The following APBB2 variants were observed in gnomAD, a reference collection of about 807,000 sequenced individuals.
The protein encoded by APBB2 is amyloid beta precursor protein binding family B member 2, also known as Fe65-like 1.
Under a neutral mutation model 82.5 loss-of-function variants are expected in APBB2, and 38 were observed. The observed-to-expected ratio is 0.46, with a 90% confidence interval of 0.36 to 0.60. APBB2 has a LOEUF of 0.60. Ranked by LOEUF, APBB2 falls within the 20% of genes least tolerant of loss-of-function variation. The pLI, the probability that APBB2 is intolerant of heterozygous loss-of-function variation, is 0.00. For missense variants in APBB2, 772 were observed against 972.3 expected (o/e 0.79, Z 2.74); for synonymous variants, 341 against 368.2 (o/e 0.93, Z 0.85).
intron 10 of APBB2, among the ~76,000 whole-genome samples, chr4:40,930,464 CGCGTGCGCGTGCGCGTAT>C (rs1783917962): frequency 7.5e-6 from 1 of 133,018 alleles, no homozygotes; most frequent in African/African-American, 3.5e-5. Context: ...CGCGCGCGCG[CGCGTGCGCGTGCGCGTAT>C]GCGTGTGTAT....
intron 4 of APBB2, among the ~76,000 whole-genome samples, chr4:41,053,746 A>G (rs1186824882): frequency 6.6e-6 from 1 of 152,254 alleles, no homozygotes; most frequent in Non-Finnish European, 1.5e-5. Flanking sequence ...TCTCCACGGT[A>G]CTTGCTACAG....
At chr4:41,028,631 C>A (rs1383583344) in intron 5 of APBB2, among the ~76,000 whole-genome samples, 2 of 152,160 alleles carry the variant, frequency 1.3e-5, no homozygotes, top group African/African-American at 2.4e-5. Flanking sequence ...CTTCTCAGGT[C>A]GATAGATTTA....
chr4:40,952,333 G>A (rs1051152270), intron 6 of APBB2, among the ~76,000 whole-genome samples: 1 of 152,068 alleles, frequency 6.6e-6, no homozygotes, highest in Non-Finnish European at 1.5e-5. Context: ...CTGCCTTGCT[G>A]ACTGTCTTCC....
intron 12 of APBB2, among the ~76,000 whole-genome samples, chr4:40,848,361 G>C (rs1758283207): frequency 6.6e-6 from 1 of 152,206 alleles, no homozygotes; most frequent in African/African-American, 2.4e-5. Context: ...TGAAGGGTCA[G>C]AGAGTTTAAG....
At chr4:41,064,589 C>T (rs549717244) in intron 4 of APBB2, among the ~76,000 whole-genome samples, 29 of 152,268 alleles carry the variant, frequency 1.9e-4, no homozygotes, top group Admixed American at 4.6e-4. Context: ...ACACACTGCC[C>T]TTCATAGAAA....
rs114185030 is a variant in APBB2, at chr4:40,900,387, T to C, written c.1255-6976A>G. Among the ~76,000 whole-genome samples, 1,228 of 151,704 alleles carry C rather than the reference T, an allele frequency of 8.1e-3. 17 individuals are homozygous for C. Among genetic ancestry groups the C allele is most frequent in the African/African-American group, 0.028 (1,151 of 41,338 alleles). On this transcript the variant is annotated intron_variant, in intron 10 of 17. Coordinates refer to ENST00000508593, the MANE Select transcript of APBB2 (RefSeq NM_004307.2). ...ACAGAGCAGACACATAGCAGCAATC[T>C]ATAGCACGGACCATGAATGAAGGAT... is the stretch of plus-strand genomic sequence containing the variant.
chr4:40,954,558 G>A (rs1231422397), intron 6 of APBB2, among the ~76,000 whole-genome samples: 2 of 152,140 alleles, frequency 1.3e-5, no homozygotes, highest in Non-Finnish European at 2.9e-5. Flanking sequence ...TTGTGAGAAC[G>A]TACACTGCTG....
intron 12 of APBB2, among the ~76,000 whole-genome samples, chr4:40,874,389 A>C (rs1766313023): frequency 6.6e-6 from 1 of 152,202 alleles, no homozygotes; most frequent in Admixed American, 6.5e-5. Context: ...TTCAGGGATG[A>C]TATTACCAAA....
chr4:40,958,599 A>C (rs780293194), intron 6 of APBB2, among the ~76,000 whole-genome samples: 1 of 152,084 alleles, frequency 6.6e-6, no homozygotes. Flanking sequence ...ATAATCTTCT[A>C]TCTCTCTCCC....
intron 7 of APBB2, among the ~76,000 whole-genome samples, chr4:40,938,108 C>T (rs1221022398): frequency 6.6e-6 from 1 of 152,212 alleles, no homozygotes; most frequent in Non-Finnish European, 1.5e-5. Context: ...CAGGGACCAT[C>T]TTCTATGAGC....
intron 6 of APBB2, among the ~76,000 whole-genome samples, chr4:41,012,535 T>G (rs537659665): frequency 2.6e-5 from 4 of 152,330 alleles, no homozygotes; most frequent in African/African-American, 9.6e-5. Context: ...TTGAAAGTAC[T>G]GGGATTTTTA....
At chr4:41,112,519 C>T (rs1749557883) in intron 2 of APBB2, among the ~76,000 whole-genome samples, 1 of 152,236 alleles carries the variant, frequency 6.6e-6, no homozygotes, top group African/African-American at 2.4e-5. Flanking sequence ...TTTCTCACTG[C>T]AGGATATGGG....
At chr4:41,168,078 G>A (rs1446668664) in intron 1 of APBB2, among the ~76,000 whole-genome samples, 3 of 152,074 alleles carry the variant, frequency 2.0e-5, no homozygotes, top group African/African-American at 7.2e-5. Context: ...AGACCATCCT[G>A]GCTAACATGG....
At chr4:40,911,575 T>C (rs546437918) in intron 10 of APBB2, among the ~76,000 whole-genome samples, 1 of 152,306 alleles carries the variant, frequency 6.6e-6, no homozygotes, top group East Asian at 1.9e-4. Context: ...CAGGGCCAGT[T>C]CTTCCTGTGG....
intron 1 of APBB2, among the ~76,000 whole-genome samples, chr4:41,168,825 C>G (rs1767436558): frequency 1.3e-5 from 2 of 152,012 alleles, no homozygotes; most frequent in South Asian, 4.1e-4. Context: ...CTACCTGATA[C>G]AGGAAATGAC....
chr4:40,964,448 TAAAC>T (rs1242898352), intron 6 of APBB2, among the ~76,000 whole-genome samples: 7 of 146,586 alleles, frequency 4.8e-5, no homozygotes, highest in African/African-American at 1.3e-4. Flanking sequence ...AAAAATAAGA[TAAAC>T]AAATCATTTT....
At chr4:41,052,661 C>T (rs554324330) in intron 4 of APBB2, among the ~76,000 whole-genome samples, 1 of 152,232 alleles carries the variant, frequency 6.6e-6, no homozygotes, top group African/African-American at 2.4e-5. Context: ...CCCTTCCTCT[C>T]GGTAAAATGA....
At chr4:41,062,470 C>A (rs1440359717) in intron 4 of APBB2, among the ~76,000 whole-genome samples, 2 of 151,966 alleles carry the variant, frequency 1.3e-5, no homozygotes, top group East Asian at 1.9e-4. Flanking sequence ...CCAGCCAAAT[C>A]TTATTTAATG....
At chr4:41,138,808 A>T (rs1232121966) in intron 2 of APBB2, among the ~76,000 whole-genome samples, 5 of 152,202 alleles carry the variant, frequency 3.3e-5, no homozygotes, top group African/African-American at 1.2e-4. Context: ...TCTGCAGATG[A>T]CATAATCTGG....
Sources: gnomAD v4.1 joint callset for allele counts (sites outside exome capture counted in the v4.1 genomes callset) on GRCh38, gnomAD v4.1.1 for gene constraint, MANE v1.5 for transcripts, NCBI Gene and HGNC (gene_info 2026-07-23, HGNC 2026-07-21) for gene names.